Variants in NOP58 observed in about 807,000 individuals in gnomAD.
NOP58 encodes the protein nucleolar protein 58.
Under a neutral mutation model 71.2 loss-of-function variants are expected in NOP58, and 44 were observed. That is an observed-to-expected ratio of 0.62 (90% CI 0.49 to 0.79). The LOEUF (loss-of-function observed/expected upper bound fraction) is 0.79, where lower values mean the gene tolerates loss of function less well. Ranked by LOEUF, NOP58 falls within the 30% of genes least tolerant of loss-of-function variation. The pLI is 0.00. For missense variants in NOP58, 538 were observed against 620.2 expected (o/e 0.87, Z 1.41); for synonymous variants, 228 against 200.3 (o/e 1.14, Z -1.17).
intron 4 of NOP58, among the ~76,000 whole-genome samples, chr2:202,283,382 AAC>A (rs1375267347): frequency 6.6e-6 from 1 of 150,562 alleles, no homozygotes; most frequent in Non-Finnish European, 1.5e-5. Context: ...GACGCCCGCC[AAC>A]ACGCCCTGGC....
intron 5 of NOP58, among the ~76,000 whole-genome samples, chr2:202,284,971 A>T (rs1688765240): frequency 6.6e-6 from 1 of 152,184 alleles, no homozygotes; most frequent in Non-Finnish European, 1.5e-5. Context: ...TTGGGAGACC[A>T]GGAGTTTGAG....
intron 4 of NOP58, among the ~76,000 whole-genome samples, chr2:202,283,837 A>G (rs1053656904): frequency 4.6e-5 from 7 of 152,176 alleles, no homozygotes; most frequent in Admixed American, 2.0e-4. Context: ...ATAGCTTTTA[A>G]TTTATATAGC....
At chr2:202,298,371 C>T (rs1689033391) in intron 12 of NOP58, among the ~76,000 whole-genome samples, 1 of 152,172 alleles carries the variant, frequency 6.6e-6, no homozygotes, top group Non-Finnish European at 1.5e-5. Context: ...GTTCACTCAG[C>T]CGGGCACAGT....
chr2:202,297,320 A>G, intron 10 of NOP58, 59 bp from the exon 11 acceptor site: 1 of 1,461,850 alleles, frequency 6.8e-7, no homozygotes, highest in Non-Finnish European at 9.4e-7. Flanking sequence ...TAAAACATCC[A>G]AGTTATTGAG....
chr2:202,294,483 A>G (rs1229671012), intron 9 of NOP58, among the ~76,000 whole-genome samples: 1 of 152,202 alleles, frequency 6.6e-6, no homozygotes, highest in African/African-American at 2.4e-5. Flanking sequence ...TGATAACAAT[A>G]GTCCCCAGCT....
At chr2:202,288,729 C>T (rs1277701188) in intron 6 of NOP58, among the ~76,000 whole-genome samples, 1 of 151,972 alleles carries the variant, frequency 6.6e-6, no homozygotes, top group Non-Finnish European at 1.5e-5. Context: ...GCAGGAGAAT[C>T]ACTTGAACCT....
At chr2:202,294,197 T>C (rs1688950758) in intron 9 of NOP58, among the ~76,000 whole-genome samples, 1 of 151,944 alleles carries the variant, frequency 6.6e-6, no homozygotes, top group Non-Finnish European at 1.5e-5. Context: ...CATGAGCCTG[T>C]AATCCCAGCT....
At chr2:202,292,253 A>G (rs1688915504) in intron 8 of NOP58, among the ~76,000 whole-genome samples, 1 of 151,336 alleles carries the variant, frequency 6.6e-6, no homozygotes, top group African/African-American at 2.4e-5. Context: ...CGACCTCCCA[A>G]AGTGCTGGAA....
At chr2:202,277,122 C>T (rs1434511508) in intron 2 of NOP58, among the ~76,000 whole-genome samples, 6 of 152,192 alleles carry the variant, frequency 3.9e-5, no homozygotes, top group South Asian at 2.1e-4. Flanking sequence ...CCCGTCTCTA[C>T]GAAAAATACA....
chr2:202,295,629 T>A (rs1302884642), intron 9 of NOP58, 45 bp from the exon 10 acceptor site: 9 of 1,426,348 alleles, frequency 6.3e-6, no homozygotes, highest in Non-Finnish European at 8.5e-6. Flanking sequence ...CGTGGAACAT[T>A]CATATATTTG....
intron 9 of NOP58, among the ~76,000 whole-genome samples, chr2:202,293,497 C>T (rs1369804854): frequency 1.3e-5 from 2 of 152,190 alleles, no homozygotes; most frequent in Non-Finnish European, 2.9e-5. Context: ...AGTACTGATT[C>T]ATCATTTTTA....
At chr2:202,281,647 C>G (rs1008077397) in intron 3 of NOP58, among the ~76,000 whole-genome samples, 2 of 152,142 alleles carry the variant, frequency 1.3e-5, no homozygotes, top group African/African-American at 2.4e-5. Flanking sequence ...GCCGTGTTGG[C>G]CAGGCTGGTG....
At position 202,303,469 on chromosome 2, in the gene NOP58, C is replaced by G; in HGVS notation, c.*33C>G. 2 of 1,591,416 alleles carry G rather than the reference C, an allele frequency of 1.3e-6. No individual in the cohort carries two copies. The highest frequency in any genetic ancestry group is 1.7e-6 in the Non-Finnish European group (2 of 1,167,948). On this transcript the variant is annotated 3_prime_UTR_variant, in exon 15 of 15. Coordinates refer to ENST00000264279, the MANE Select transcript of NOP58 (RefSeq NM_015934.5). The stretch of plus-strand genomic sequence containing the variant: ...GAATTACGATTATATCACCCGGACA[C>G]ACATCATGCTTAAGATTCAACTGGG...
At chr2:202,272,900 C>T (rs573509344) in intron 1 of NOP58, among the ~76,000 whole-genome samples, 39 of 152,202 alleles carry the variant, frequency 2.6e-4, no homozygotes, top group Non-Finnish European at 5.0e-4. Context: ...TTTGGGAGGC[C>T]GAGGTGGGTG....
intron 9 of NOP58, 52 bp from the exon 10 acceptor site, chr2:202,295,622 G>A: frequency 9.7e-6 from 13 of 1,338,110 alleles, no homozygotes; most frequent in Middle Eastern, 2.0e-4. Flanking sequence ...TTCAGTACGT[G>A]GAACATTCAT....
chr2:202,270,695 A>G (rs1468960546), intron 1 of NOP58, among the ~76,000 whole-genome samples: 1 of 152,048 alleles, frequency 6.6e-6, no homozygotes, highest in Non-Finnish European at 1.5e-5. Context: ...GGCTGCAGTG[A>G]GCTGTGATTG....
chr2:202,292,638 G>A, intron 8 of NOP58, 139 bp from the exon 9 acceptor site: 2 of 623,520 alleles, frequency 3.2e-6, no homozygotes, highest in Non-Finnish European at 5.5e-6. Context: ...GAAAACTGAT[G>A]TTAGGCATAG....
intron 1 of NOP58, among the ~76,000 whole-genome samples, chr2:202,273,595 A>C (rs1688543223): frequency 6.6e-6 from 1 of 152,338 alleles, no homozygotes; most frequent in African/African-American, 2.4e-5. Context: ...TATTTTATAG[A>C]TACAAACTGA....
intron 5 of NOP58, 33 bp from the exon 6 acceptor site, chr2:202,287,627 A>G (rs1574383731): frequency 3.9e-6 from 6 of 1,544,636 alleles, no homozygotes; most frequent in Non-Finnish European, 5.4e-6. Context: ...CCTAGATGCT[A>G]TCTTGCTAAT....
Sources: gnomAD v4.1 joint callset for allele counts (sites outside exome capture counted in the v4.1 genomes callset) on GRCh38, gnomAD v4.1.1 for gene constraint, MANE v1.5 for transcripts, NCBI Gene and HGNC (gene_info 2026-07-23, HGNC 2026-07-21) for gene names.